PM20D2: variants seen among roughly 807,000 people sequenced by gnomAD.
PM20D2 encodes the protein xaa-Arg dipeptidase.
In PM20D2, 33 loss-of-function variants were observed where a neutral mutation model predicts 42.9. The observed-to-expected ratio is 0.77, with a 90% confidence interval of 0.58 to 1.03. PM20D2 has a LOEUF of 1.03. PM20D2 is among the 50% of genes least tolerant of loss of function. The pLI, the probability that PM20D2 is intolerant of heterozygous loss-of-function variation, is 0.00. For synonymous variants in PM20D2, 250 were observed against 228.2 expected (o/e 1.10, Z -0.86); for missense variants, 548 against 557.0 (o/e 0.98, Z 0.16).
the PM20D2 span, among the ~76,000 whole-genome samples, chr6:89,133,182 T>C: frequency 6.6e-6 from 1 of 150,642 alleles, no homozygotes; most frequent in Admixed American, 6.6e-5. Context: ...TGAGCTATCA[T>C]CATGCCACTG....
chr6:89,138,006 T>C, the PM20D2 span, among the ~76,000 whole-genome samples: 1 of 152,172 alleles, frequency 6.6e-6, no homozygotes, highest in Admixed American at 6.5e-5. Flanking sequence ...ACAATTAATT[T>C]TGTCTTGTAC....
chr6:89,130,819 C>CTTTTTTTTTTTTTT, the PM20D2 span, among the ~76,000 whole-genome samples: 30 of 24,054 alleles, frequency 1.2e-3, 2 homozygotes, highest in African/African-American at 3.2e-3. Flanking sequence ...GCTTCTTCTT[C>CTTTTTTTTTTTTTT]TTTTTTTTTT....
chr6:89,162,360 G>C lies in PM20D2; in HGVS notation c.*97G>C. On this transcript the variant is annotated 3_prime_UTR_variant, in exon 7 of 7. Coordinates refer to ENST00000275072, the MANE Select transcript of PM20D2 (RefSeq NM_001010853.3). Reference sequence around the variant, plus strand: ...ATGCTTGTTTTTTAATCTTAAAGGAGTAAAATTCTTTTTACCTGATAAGTG... The same window carrying C: ...ATGCTTGTTTTTTAATCTTAAAGGACTAAAATTCTTTTTACCTGATAAGTG... 7.2e-6 allele frequency: 9 copies of C among 1,246,966 alleles called. No homozygotes were observed. Among genetic ancestry groups the C allele is most frequent in the Non-Finnish European group, 8.8e-6 (8 of 910,200 alleles). The allele number at this position is 1,246,966 out of a possible 1,614,324, so 77.2% of individuals were successfully genotyped here.
At chr6:89,160,012 G>A (rs966811736) in intron 5 of PM20D2, among the ~76,000 whole-genome samples, 1 of 152,094 alleles carries the variant, frequency 6.6e-6, no homozygotes, top group Non-Finnish European at 1.5e-5. Context: ...GGGCTCTAGG[G>A]TCTAGTTCCA....
chr6:89,117,845 T>C, the PM20D2 span: 1 of 1,559,872 alleles, frequency 6.4e-7, no homozygotes. Context: ...GCGACGTTCC[T>C]GATGAACAGG....
chr6:89,120,321 C>A, the PM20D2 span, among the ~76,000 whole-genome samples: 1 of 152,162 alleles, frequency 6.6e-6, no homozygotes, highest in East Asian at 1.9e-4. Flanking sequence ...TCAGAATGAT[C>A]TCATCTTGAA....
chr6:89,099,604 C>T, the PM20D2 span, among the ~76,000 whole-genome samples: 96,791 of 148,098 alleles, frequency 0.65, 32,461 homozygotes, highest in East Asian at 0.78. Context: ...GGCACGATCT[C>T]AGCTCACCGC....
the PM20D2 span, among the ~76,000 whole-genome samples, chr6:89,136,936 T>C: frequency 5.8e-4 from 88 of 151,166 alleles, 1 homozygote; most frequent in Admixed American, 1.7e-3. Context: ...TGTTGATATC[T>C]TGTATGAGAT....
At position 89,146,108 on chromosome 6, in the gene PM20D2, G is replaced by C; in HGVS notation, c.-37G>C. 1 of 1,391,630 alleles carries C rather than the reference G, an allele frequency of 7.2e-7. No individual in the cohort carries two copies. The allele number at this position is 1,391,630 out of a possible 1,614,324, so 86.2% of individuals were successfully genotyped here. On this transcript the variant is annotated 5_prime_UTR_variant, in exon 1 of 7. Transcript: ENST00000275072. ...GGTCGCTACCTGCGGCCGAGCCAGG[G>C]AGCGAGAGGGCGCAGAGGGCAGCGG...
the PM20D2 span, among the ~76,000 whole-genome samples, chr6:89,108,267 G>T: frequency 3.3e-5 from 5 of 152,186 alleles, no homozygotes; most frequent in African/African-American, 1.2e-4. Context: ...AACAGTTACA[G>T]TGCATTTATA....
chr6:89,116,008 T>C, the PM20D2 span, among the ~76,000 whole-genome samples: 1 of 152,254 alleles, frequency 6.6e-6, no homozygotes, highest in Non-Finnish European at 1.5e-5. Flanking sequence ...TCCAGATTTC[T>C]GATTTCTCTT....
chr6:89,107,360 T>C, the PM20D2 span: 7 of 783,478 alleles, frequency 8.9e-6, no homozygotes, highest in Non-Finnish European at 1.5e-5. Flanking sequence ...GAACATCATC[T>C]AGACCAGCAT....
the PM20D2 span, among the ~76,000 whole-genome samples, chr6:89,116,308 C>G: frequency 3.6e-3 from 541 of 152,250 alleles, 2 homozygotes; most frequent in African/African-American, 0.01. Flanking sequence ...GTTGTCTGTT[C>G]AACTGCAAGG....
chr6:89,117,676 C>T, the PM20D2 span: 1 of 743,244 alleles, frequency 1.3e-6, no homozygotes, highest in Non-Finnish European at 1.9e-6. Context: ...TCCGAGGGCT[C>T]ACACCTCCCC....
the PM20D2 span, among the ~76,000 whole-genome samples, chr6:89,101,974 T>A: frequency 6.6e-6 from 1 of 150,694 alleles, no homozygotes; most frequent in Non-Finnish European, 1.5e-5. Context: ...ATACTAAATA[T>A]TCACTGCCCT....
intron 5 of PM20D2, 102 bp from the exon 6 acceptor site, chr6:89,161,681 C>G: frequency 1.1e-6 from 1 of 871,192 alleles, no homozygotes; most frequent in Non-Finnish European, 1.9e-6. Flanking sequence ...CCAAGAAGCT[C>G]ACTTCTCTGC....
chr6:89,140,086 C>T, the PM20D2 span, among the ~76,000 whole-genome samples: 16 of 152,190 alleles, frequency 1.1e-4, no homozygotes, highest in East Asian at 2.9e-3. Flanking sequence ...CAGGCACATA[C>T]CACCACACCC....
At chr6:89,117,311 A>G in the PM20D2 span, among the ~76,000 whole-genome samples, 57 of 152,344 alleles carry the variant, frequency 3.7e-4, no homozygotes, top group Non-Finnish European at 6.3e-4. Context: ...CACCGTCTGT[A>G]AGTAGACCAG....
the PM20D2 span, among the ~76,000 whole-genome samples, chr6:89,112,102 G>T: frequency 5.9e-5 from 9 of 151,376 alleles, no homozygotes; most frequent in Non-Finnish European, 1.2e-4. Flanking sequence ...CCTCCTCCCC[G>T]GTTCAAGAGA....
Sources: allele counts gnomAD v4.1 joint callset (sites outside exome capture counted in the v4.1 genomes callset), GRCh38; gene constraint gnomAD v4.1.1; transcripts MANE v1.5; gene names NCBI Gene and HGNC (gene_info 2026-07-23, HGNC 2026-07-21).